The following CHST11 variants were observed in gnomAD, a reference collection of about 807,000 sequenced individuals.
CHST11 encodes the protein carbohydrate sulfotransferase 11.
In CHST11, 9 loss-of-function variants were observed where a neutral mutation model predicts 30.4. That is an observed-to-expected ratio of 0.30 (90% CI 0.18 to 0.52). The LOEUF is 0.52. CHST11 is among the 20% of genes least tolerant of loss of function. CHST11 has a pLI of 0.97. For synonymous variants in CHST11, 152 were observed against 187.8 expected (o/e 0.81, Z 1.56); for missense variants, 348 against 460.6 (o/e 0.76, Z 2.24).
At chr12:104,649,673 A>C (rs2039473037) in intron 2 of CHST11, among the ~76,000 whole-genome samples, 1 of 152,244 alleles carries the variant, frequency 6.6e-6, no homozygotes, top group Non-Finnish European at 1.5e-5. Context: ...GGAAGAGAAG[A>C]AAATCTTTAG....
intron 2 of CHST11, among the ~76,000 whole-genome samples, chr12:104,617,421 C>T (rs2039119087): frequency 6.6e-6 from 1 of 152,170 alleles, no homozygotes; most frequent in African/African-American, 2.4e-5. Flanking sequence ...TGTCATCTTA[C>T]CATTCTCCCA....
At chr12:104,615,730 C>G (rs1437718579) in intron 2 of CHST11, among the ~76,000 whole-genome samples, 1 of 152,110 alleles carries the variant, frequency 6.6e-6, no homozygotes, top group Non-Finnish European at 1.5e-5. Context: ...AGTTCAAGAC[C>G]AGTCTGGCCA....
At position 104,620,725 on chromosome 12, in the gene CHST11, GTTCA is replaced by G. The variant is rs2039151401; in HGVS notation, c.204+18737_204+18740del. Among the ~76,000 whole-genome samples the G allele has an allele frequency of 2.6e-5, 4 of 152,224 alleles. No individual in the cohort carries two copies. In the South Asian group the frequency reaches 8.3e-4, roughly 32 times the overall value. ...TGAGCTTATTTTCTTGGCTGGTTTTGTTCATTGTTTGTTGTGTCAGAGACTAGCA... is the reference window on the plus strand; with the variant it reads ...TGAGCTTATTTTCTTGGCTGGTTTTGTTGTTTGTTGTGTCAGAGACTAGCA... On this transcript the variant is annotated intron_variant, in intron 2 of 2. Coordinates refer to ENST00000303694, the MANE Select transcript of CHST11 (RefSeq NM_018413.6).
intron 2 of CHST11, among the ~76,000 whole-genome samples, chr12:104,684,187 C>G (rs1315318086): frequency 2.0e-5 from 3 of 152,142 alleles, no homozygotes; most frequent in Non-Finnish European, 4.4e-5. Context: ...TGGCTCTTCC[C>G]CCAAAGGACT....
chr12:104,566,640 G>T (rs867701777), intron 1 of CHST11, among the ~76,000 whole-genome samples: 12 of 152,208 alleles, frequency 7.9e-5, no homozygotes, highest in Middle Eastern at 6.8e-3. Context: ...TGCAGCAGAG[G>T]GACTCCTTTG....
intron 2 of CHST11, among the ~76,000 whole-genome samples, chr12:104,694,403 T>C (rs116201362): frequency 0.015 from 2,263 of 152,310 alleles, 57 homozygotes; most frequent in African/African-American, 0.048. Flanking sequence ...ACACTTATCC[T>C]GCACTGGGCG....
Position 104,759,438 on chromosome 12 carries a change from TATAATA to T in CHST11, c.*1645_*1650del, listed in dbSNP as rs1264485147. Reference sequence around the variant, plus strand: ...GAATGAGTTGGTAGCAGCTACTGTATATAATAATAATAATAGTTTTAATAATAGGGG... The same window carrying T: ...GAATGAGTTGGTAGCAGCTACTGTATATAATAATAGTTTTAATAATAGGGG... On this transcript the variant is annotated 3_prime_UTR_variant, in exon 3 of 3. Transcript: ENST00000303694. 6.8e-6 allele frequency: 1 copy of T among 147,814 alleles called. No individual in the cohort carries two copies. Among genetic ancestry groups the T allele is most frequent in the Non-Finnish European group, 1.5e-5 (1 of 67,088 alleles). The allele number at this position is 147,814 out of a possible 1,614,324, so 9.2% of individuals were successfully genotyped here. A position where few individuals can be genotyped will look rare whatever the true frequency, so the allele number is the denominator to read the frequency against.
intron 2 of CHST11, among the ~76,000 whole-genome samples, chr12:104,623,930 TGA>T (rs1399762003): frequency 6.6e-6 from 1 of 152,160 alleles, no homozygotes; most frequent in East Asian, 1.9e-4. Context: ...TTGTGTAGTC[TGA>T]GTTGATCTTC....
intron 2 of CHST11, among the ~76,000 whole-genome samples, chr12:104,621,857 C>A (rs1337377222): frequency 6.6e-6 from 1 of 152,202 alleles, no homozygotes; most frequent in Admixed American, 6.5e-5. Flanking sequence ...GCTAAGCTTC[C>A]CTCTCCCAAG....
chr12:104,745,224 T>A lies in CHST11; in HGVS notation c.205-11725T>A, dbSNP rs563505904. On this transcript the variant is annotated intron_variant, in intron 2 of 2. Coordinates refer to ENST00000303694, the MANE Select transcript of CHST11 (RefSeq NM_018413.6). ...ATCCTTTCCTCATTGTTTGTTTTTG[T>A]CAGGTTTGCTGAAGATCAGATAGTT... Among the ~76,000 whole-genome samples the A allele has an allele frequency of 1.7e-4, 26 of 152,310 alleles. No homozygotes were observed. In the East Asian group the frequency reaches 5.0e-3, roughly 29 times the overall value.
chr12:104,580,631 C>G (rs1191840224), intron 1 of CHST11, among the ~76,000 whole-genome samples: 1 of 152,158 alleles, frequency 6.6e-6, no homozygotes, highest in Non-Finnish European at 1.5e-5. Context: ...TTTGGGAGCC[C>G]AATTTTTTCT....
rs138320785 is a variant in CHST11 at position 104,757,040 on chromosome 12, G to C, written c.296G>C (p.Arg99Pro). 1.2e-6 allele frequency: 2 copies of C among 1,613,988 alleles called. No homozygotes were observed. Among genetic ancestry groups the C allele is most frequent in the Non-Finnish European group, 1.7e-6 (2 of 1,180,032 alleles). ...GCCAACAGCGCCACAAGCCGTAAGCGGAGGGTGCTGACCCCCAACGACCTG... is the reference window on the plus strand; with the variant it reads ...GCCAACAGCGCCACAAGCCGTAAGCCGAGGGTGCTGACCCCCAACGACCTG... ...CRANSATSRK[R>P]RVLTPNDLKH... Residue 99 changes from arginine to proline, a missense_variant, in exon 3 of 3, where the codon CGG becomes CCG. Transcript: ENST00000303694. The surrounding 1 kb of genome is among the most constrained non-coding windows in gnomAD (Gnocchi z 6.5).
intron 2 of CHST11, among the ~76,000 whole-genome samples, chr12:104,733,102 A>T (rs1356496207): frequency 2.0e-5 from 3 of 152,164 alleles, no homozygotes; most frequent in Non-Finnish European, 4.4e-5. Context: ...CTGGGATTCC[A>T]CCCATGCACC....
intron 2 of CHST11, among the ~76,000 whole-genome samples, chr12:104,672,269 TG>T (rs1324635961): frequency 2.0e-5 from 3 of 152,100 alleles, no homozygotes; most frequent in African/African-American, 7.2e-5. Context: ...AGGTCAGCTC[TG>T]GCTTGCGGAG....
At chr12:104,636,838 C>A (rs1592808269) in intron 2 of CHST11, among the ~76,000 whole-genome samples, 1 of 151,954 alleles carries the variant, frequency 6.6e-6, no homozygotes, top group African/African-American at 2.4e-5. Flanking sequence ...CTTACTGCAA[C>A]TCCTACTACT....
rs1391961636 is a variant in CHST11 at position 104,584,724 on chromosome 12, A to G, written c.119-17182A>G. ...TTCATGTTATTTTAATAACAGTAGCATTTTTTGATTGGTCCAAGATTATAG... is the reference window on the plus strand; with the variant it reads ...TTCATGTTATTTTAATAACAGTAGCGTTTTTTGATTGGTCCAAGATTATAG... On this transcript the variant is annotated intron_variant, in intron 1 of 2. Transcript: ENST00000303694. 8.5e-5 allele frequency among the ~76,000 whole-genome samples: 13 copies of G among 152,310 alleles called. No homozygotes were observed. In the East Asian group the frequency reaches 2.3e-3, roughly 27 times the overall value.
chr12:104,688,919 G>A (rs1008503458), intron 2 of CHST11, among the ~76,000 whole-genome samples: 30 of 152,180 alleles, frequency 2.0e-4, no homozygotes, highest in Non-Finnish European at 4.4e-5. Flanking sequence ...CCAGGAGTTC[G>A]AGACCAGCCT....
intron 2 of CHST11, among the ~76,000 whole-genome samples, chr12:104,696,482 C>CAAAAAAAAAAAA (rs10602668): frequency 1.9e-3 from 131 of 69,048 alleles, no homozygotes; most frequent in East Asian, 2.5e-3. Flanking sequence ...GCTAAAAATA[C>CAAAAAAAAAAAA]AAAAAAAAAA....
At chr12:104,609,015 G>T (rs1415991661) in intron 2 of CHST11, among the ~76,000 whole-genome samples, 1 of 152,220 alleles carries the variant, frequency 6.6e-6, no homozygotes, top group Non-Finnish European at 1.5e-5. Flanking sequence ...ATTTCTGAAG[G>T]ATCAGTTACA....
Sources: allele counts gnomAD v4.1 joint callset (sites outside exome capture counted in the v4.1 genomes callset), GRCh38; gene constraint gnomAD v4.1.1; non-coding constraint Gnocchi (gnomAD v3.1); transcripts MANE v1.5; gene names NCBI Gene and HGNC (gene_info 2026-07-23, HGNC 2026-07-21).